The following BDKRB2 variants were observed in gnomAD, a reference collection of about 807,000 sequenced individuals.
BDKRB2 encodes the protein B2 bradykinin receptor.
A neutral mutation model predicts 4.0 loss-of-function variants in BDKRB2; 6 were observed. The ratio of observed to expected loss-of-function variants is 1.49; its 90% CI spans 0.81 to 2.93. The LOEUF (loss-of-function observed/expected upper bound fraction) is 2.93, where lower values mean the gene tolerates loss of function less well. Among genes scored for constraint, BDKRB2 ranks in the 30% most tolerant of loss-of-function variants. BDKRB2 has a pLI of 0.00. For missense variants in BDKRB2, 478 were observed against 520.1 expected (o/e 0.92, Z 0.79); for synonymous variants, 225 against 215.3 (o/e 1.05, Z -0.40).
rs60273126 is a variant in BDKRB2 at position 96,230,959 on chromosome 14, A to AT, written c.-39-6102dup. On this transcript the variant is annotated intron_variant, in intron 1 of 2. Coordinates refer to ENST00000554311, the MANE Select transcript of BDKRB2 (RefSeq NM_001379692.1). ...TTTTTTTTTTAAAGAGAGAGATGTT[A>AT]TTTTTTTTAAGGGGAATGAGTGGTA... 3.1e-3 allele frequency among the ~76,000 whole-genome samples: 467 copies of AT among 151,618 alleles called. 4 individuals carry two copies. The highest frequency in any genetic ancestry group is 0.01 in the African/African-American group (428 of 41,302).
Position 96,241,352 on chromosome 14 carries a change from A to C in BDKRB2, c.1024A>C (p.Lys342Gln). Residue 342 changes from lysine (K) to glutamine (Q), a missense_variant, in exon 3 of 3, where the codon AAG (lysine) becomes CAG (glutamine). Coordinates refer to ENST00000554311, the MANE Select transcript of BDKRB2 (RefSeq NM_001379692.1). ...YVIVGKRFRKKSWEVYQGVCQ... is the reference protein window; with the variant it reads ...YVIVGKRFRKQSWEVYQGVCQ... Reference sequence around the variant, plus strand: ...GATCGTGGGCAAGCGCTTCCGAAAGAAGTCTTGGGAGGTGTACCAGGGAGT... The same window carrying C: ...GATCGTGGGCAAGCGCTTCCGAAAGCAGTCTTGGGAGGTGTACCAGGGAGT... 1 of 1,613,996 alleles carries C rather than the reference A, an allele frequency of 6.2e-7. No individual in the cohort carries two copies. Among genetic ancestry groups the C allele is most frequent in the Non-Finnish European group, 8.5e-7 (1 of 1,179,970 alleles).
chr14:96,239,782 A>G (rs1885223424), intron 2 of BDKRB2: 6 of 983,776 alleles, frequency 6.1e-6, no homozygotes, highest in Non-Finnish European at 6.0e-6. Flanking sequence ...TGAACCCAGT[A>G]GGACTATCTG....
intron 1 of BDKRB2, among the ~76,000 whole-genome samples, chr14:96,226,746 C>G (rs1355158990): frequency 2.0e-5 from 3 of 152,168 alleles, no homozygotes; most frequent in Non-Finnish European, 4.4e-5. Context: ...GAATGCCCAC[C>G]CTCTGTCTCT....
rs532210447 is a variant in BDKRB2 at position 96,237,171 on chromosome 14, G to C, written c.64G>C (p.Ala22Pro). 4 of 1,613,396 alleles carry C rather than the reference G, an allele frequency of 2.5e-6. No homozygotes were observed. The highest frequency in any genetic ancestry group is 1.7e-4 in the Middle Eastern group (1 of 6,056). The change falls in exon 2 of 3, where the codon GCC (alanine) becomes CCC (proline). Residue 22 changes from alanine to proline, a missense_variant. Physicochemically the swap from Ala to Pro is conservative, Grantham distance 27. Transcript: ENST00000554311. ...TCGTGAGGACTCCGTGCCCACCACGGCCTCTTTCAGGTGAGTCAAAGGGAT... is the reference window on the plus strand; with the variant it reads ...TCGTGAGGACTCCGTGCCCACCACGCCCTCTTTCAGGTGAGTCAAAGGGAT... Reference protein sequence around the residue: ...SVREDSVPTTASFSADMLNVT... With the variant: ...SVREDSVPTTPSFSADMLNVT...
intron 2 of BDKRB2, chr14:96,238,949 A>G: frequency 1.0e-6 from 1 of 985,466 alleles, no homozygotes; most frequent in Non-Finnish European, 1.2e-6. Context: ...AGACGCTCAA[A>G]AAACATTTAA....
At chr14:96,235,313 A>C (rs376214917) in intron 1 of BDKRB2, among the ~76,000 whole-genome samples, 1 of 132,008 alleles carries the variant, frequency 7.6e-6, no homozygotes, top group Non-Finnish European at 1.5e-5. Context: ...ACGCCATTGT[A>C]CTCCAGCCTG....
chr14:96,207,001 G>A (rs1890197937), intron 1 of BDKRB2, among the ~76,000 whole-genome samples: 1 of 152,050 alleles, frequency 6.6e-6, no homozygotes, highest in Non-Finnish European at 1.5e-5. Context: ...CTCCTTTAAA[G>A]ACCACCAATC....
At chr14:96,207,551 T>C (rs1258396822) in intron 1 of BDKRB2, among the ~76,000 whole-genome samples, 1 of 152,170 alleles carries the variant, frequency 6.6e-6, no homozygotes, top group Admixed American at 6.5e-5. Context: ...TGTGCGTTTG[T>C]GCAAACCCAC....
chr14:96,214,246 G>A (rs1223099021), intron 1 of BDKRB2, among the ~76,000 whole-genome samples: 8 of 152,206 alleles, frequency 5.3e-5, no homozygotes, highest in African/African-American at 7.2e-5. Flanking sequence ...CATATCTTCC[G>A]GGAGTCTGTT....
At chr14:96,239,739 G>A (rs2069586) in intron 2 of BDKRB2, 44,341 of 967,052 alleles carry the variant, frequency 0.046, 1,851 homozygotes, top group African/African-American at 0.19. Flanking sequence ...CTTCCCCAGC[G>A]TCACACGGCT....
chr14:96,223,280 T>C (rs1046240594), intron 1 of BDKRB2: 6 of 1,043,572 alleles, frequency 5.7e-6, no homozygotes, highest in Non-Finnish European at 7.6e-6. Flanking sequence ...GTCCATAATA[T>C]GATCCATGAA....
intron 2 of BDKRB2, chr14:96,239,618 T>G (rs1452952511): frequency 5.1e-6 from 5 of 979,922 alleles, no homozygotes; most frequent in Non-Finnish European, 4.8e-6. Context: ...CCTAGTGCAG[T>G]GCTTGGGGCA....
rs1890797135 is a variant in BDKRB2, at chr14:96,230,639, A to G, written c.-39-6430A>G. 3.6e-5 allele frequency among the ~76,000 whole-genome samples: 5 copies of G among 137,512 alleles called. No homozygotes were observed. The South Asian group carries it at 1.2e-3, about 33-fold the overall frequency. The allele number at this position is 137,512 out of a possible 152,430, so 90.2% of individuals were successfully genotyped here. On this transcript the variant is annotated intron_variant, in intron 1 of 2. Transcript: ENST00000554311. ...GCTGTAGTTTTTTTTTTTTTTTGAG[A>G]TGGAGTCTCGCTCCGTCACCTAGGT...
chr14:96,218,763 C>T, intron 1 of BDKRB2, among the ~76,000 whole-genome samples: 1 of 151,896 alleles, frequency 6.6e-6, no homozygotes, highest in Non-Finnish European at 1.5e-5. Context: ...ACTAAAAATA[C>T]AAAATATTAG....
intron 2 of BDKRB2, among the ~76,000 whole-genome samples, chr14:96,237,474 A>G (rs760081630): frequency 6.6e-5 from 10 of 152,226 alleles, no homozygotes; most frequent in Admixed American, 6.5e-5. Flanking sequence ...AGAGTTAAAC[A>G]TTAAAGTAAA....
intron 1 of BDKRB2, among the ~76,000 whole-genome samples, chr14:96,220,863 C>T (rs986669552): frequency 6.6e-6 from 1 of 152,066 alleles, no homozygotes; most frequent in Non-Finnish European, 1.5e-5. Context: ...AGTGCGTGGA[C>T]ACAGCCATGG....
chr14:96,223,354 C>T (rs1006126147), intron 1 of BDKRB2: 20 of 969,786 alleles, frequency 2.1e-5, no homozygotes, highest in Non-Finnish European at 3.0e-5. Flanking sequence ...ATGAAGCTGG[C>T]GAGCTACTTT....
chr14:96,212,410 A>C (rs991703101), intron 1 of BDKRB2, among the ~76,000 whole-genome samples: 1 of 151,162 alleles, frequency 6.6e-6, no homozygotes, highest in Non-Finnish European at 1.5e-5. Flanking sequence ...GCAAAAAAAA[A>C]CTGTTCAATT....
In BDKRB2 at chr14:96,212,966, A is replaced by G. The variant is rs117100480; in HGVS notation, c.-40+8007A>G. 5.9e-4 allele frequency among the ~76,000 whole-genome samples: 90 copies of G among 152,262 alleles called. 1 individual carries two copies. The highest frequency in any genetic ancestry group is 1.0e-3 in the South Asian group (5 of 4,822). On this transcript the variant is annotated intron_variant, in intron 1 of 2. Coordinates refer to ENST00000554311, the MANE Select transcript of BDKRB2 (RefSeq NM_001379692.1). ...CTGAGCCCACAACCCAAACAGGCTC[A>G]CAGATGTGCTAGCTATTTCGCCACC...
Sources: gnomAD v4.1 joint callset for allele counts (sites outside exome capture counted in the v4.1 genomes callset) on GRCh38, gnomAD v4.1.1 for gene constraint, MANE v1.5 for transcripts, NCBI Gene and HGNC (gene_info 2026-07-23, HGNC 2026-07-21) for gene names.